SPOCK1: variants seen among roughly 807,000 people sequenced by gnomAD.
SPOCK1 encodes the protein testican-1.
SPOCK1 carries 23 observed loss-of-function variants against 55.3 expected under a neutral mutation model. The ratio of observed to expected loss-of-function variants is 0.42; its 90% CI spans 0.30 to 0.59. The LOEUF (loss-of-function observed/expected upper bound fraction) is 0.59. Ranked by LOEUF, SPOCK1 falls within the 20% of genes least tolerant of loss-of-function variation. The pLI is 0.22. For synonymous variants in SPOCK1, 226 were observed against 221.0 expected, an observed-to-expected ratio of 1.02 and a Z score of -0.20; for missense variants, 499 against 552.5, an observed-to-expected ratio of 0.90 and a Z score of 0.97.
At chr5:137,298,468 T>C (rs1281027053) in intron 2 of SPOCK1, among the ~76,000 whole-genome samples, 1 of 152,208 alleles carries the variant, frequency 6.6e-6, no homozygotes, top group Non-Finnish European at 1.5e-5. Context: ...AAGTACATTC[T>C]TCTTTTGGGT....
chr5:137,412,981 GA>G lies in SPOCK1; in HGVS notation c.186+85391del, dbSNP rs571656051. ...GCTGTCCCAAATCTAGTGTTAAGTG[GA>G]AAAAAAAAAAGGTACCTTTAAAAAC... is the stretch of plus-strand genomic sequence containing the variant. On this transcript the variant is annotated intron_variant, in intron 2 of 10. Transcript: ENST00000394945. 2.6e-3 allele frequency among the ~76,000 whole-genome samples: 370 copies of G among 142,384 alleles called. 2 individuals are homozygous for G. The highest frequency in any genetic ancestry group is 8.8e-3 in the East Asian group (43 of 4,890). 93.4% of individuals were successfully genotyped at this position (142,384 alleles called of 152,430 possible).
chr5:137,288,796 T>C (rs1222923436), intron 2 of SPOCK1, among the ~76,000 whole-genome samples: 1 of 152,264 alleles, frequency 6.6e-6, no homozygotes, highest in South Asian at 2.1e-4. Flanking sequence ...TCTGGAATGA[T>C]GTTTTAGTAA....
chr5:137,265,552 T>A (rs17724666), intron 3 of SPOCK1, among the ~76,000 whole-genome samples: 1 of 152,138 alleles, frequency 6.6e-6, no homozygotes, highest in South Asian at 2.1e-4. Context: ...GTTTTAAAAT[T>A]TTTGATCACT....
At chr5:137,150,058 A>T (rs896851824) in intron 3 of SPOCK1, among the ~76,000 whole-genome samples, 6 of 152,196 alleles carry the variant, frequency 3.9e-5, no homozygotes, top group African/African-American at 1.2e-4. Flanking sequence ...TGCTCCTAAA[A>T]TACAGAAAAT....
intron 2 of SPOCK1, among the ~76,000 whole-genome samples, chr5:137,315,177 T>G (rs1757856926): frequency 6.6e-6 from 1 of 152,186 alleles, no homozygotes; most frequent in African/African-American, 2.4e-5. Context: ...TAGCTAAAAA[T>G]CCATCTCCTT....
chr5:137,192,079 C>CAA (rs553142504), intron 3 of SPOCK1, among the ~76,000 whole-genome samples: 2 of 149,614 alleles, frequency 1.3e-5, no homozygotes, highest in African/African-American at 4.9e-5. Flanking sequence ...TACTAAAATA[C>CAA]AAAAAAAAAT....
At position 136,978,159 on chromosome 5, in the gene SPOCK1, C is replaced by G. The variant is rs1030256458; in HGVS notation, c.*495G>C. 2 of 381,948 alleles carry G rather than the reference C, an allele frequency of 5.2e-6. No homozygotes were observed. Among genetic ancestry groups the G allele is most frequent in the Non-Finnish European group, 9.3e-6 (2 of 216,034 alleles). 23.7% of individuals were successfully genotyped at this position (381,948 alleles called of 1,614,324 possible). The stretch of plus-strand genomic sequence containing the variant: ...TTTTAATAATAATCACCGGCAGTAA[C>G]GGGGGCAGGGGGAAAAAGTACAGTG... On this transcript the variant is annotated 3_prime_UTR_variant, in exon 11 of 11. Transcript: ENST00000394945.
At chr5:137,178,210 T>C (rs1754893987) in intron 3 of SPOCK1, among the ~76,000 whole-genome samples, 1 of 152,200 alleles carries the variant, frequency 6.6e-6, no homozygotes, top group South Asian at 2.1e-4. Flanking sequence ...TTATTTCACA[T>C]TGATTCTCCT....
intron 3 of SPOCK1, among the ~76,000 whole-genome samples, chr5:137,199,317 C>A (rs1477836813): frequency 1.3e-5 from 2 of 152,188 alleles, no homozygotes; most frequent in East Asian, 3.9e-4. Context: ...ACCACTCAGG[C>A]CAGCAATGAC....
intron 3 of SPOCK1, among the ~76,000 whole-genome samples, chr5:137,196,170 T>C (rs933187007): frequency 2.0e-5 from 3 of 152,148 alleles, no homozygotes; most frequent in Non-Finnish European, 2.9e-5. Context: ...TGAGTCCATC[T>C]ACGTGCCACC....
Position 136,990,915 on chromosome 5 carries a change from G to A in SPOCK1, c.706+1569C>T, listed in dbSNP as rs1750937508. ...TGGTTGCCTGTCATGCAGGAGAAAG[G>A]AGAGCAGCCCTTCTAGTTGGCCCCA... is the stretch of plus-strand genomic sequence containing the variant. On this transcript the variant is annotated intron_variant, in intron 7 of 10. Transcript: ENST00000394945. 2.0e-5 allele frequency among the ~76,000 whole-genome samples: 3 copies of A among 152,068 alleles called. No individual in the cohort carries two copies. In the South Asian group the frequency reaches 6.2e-4, roughly 32 times the overall value.
chr5:137,257,902 C>T (rs779129356), intron 3 of SPOCK1, among the ~76,000 whole-genome samples: 1 of 152,160 alleles, frequency 6.6e-6, no homozygotes, highest in African/African-American at 2.4e-5. Flanking sequence ...AGACCACAAG[C>T]CCCCTGAGGA....
intron 3 of SPOCK1, among the ~76,000 whole-genome samples, chr5:137,236,144 T>C (rs796728999): frequency 3.9e-5 from 6 of 152,376 alleles, no homozygotes; most frequent in African/African-American, 1.4e-4. Context: ...TCTGCCCAAA[T>C]GGCCCTGAGC....
chr5:137,367,713 G>A (rs2127169200), intron 2 of SPOCK1, among the ~76,000 whole-genome samples: 1 of 152,284 alleles, frequency 6.6e-6, no homozygotes, highest in African/African-American at 2.4e-5. Context: ...AGCAGCTCAG[G>A]CTAAACAGTT....
intron 3 of SPOCK1, among the ~76,000 whole-genome samples, chr5:137,221,734 T>C (rs560173911): frequency 6.6e-6 from 1 of 152,366 alleles, no homozygotes; most frequent in Admixed American, 6.5e-5. Flanking sequence ...TTATTTTTCT[T>C]TAATTGTTAA....
At chr5:137,468,537 C>A (rs535984164) in intron 2 of SPOCK1, among the ~76,000 whole-genome samples, 8 of 152,316 alleles carry the variant, frequency 5.3e-5, no homozygotes, top group Admixed American at 2.0e-4. Context: ...GGCTAATATA[C>A]TTATGACAAA....
At chr5:137,279,536 C>T (rs957020993) in intron 2 of SPOCK1, among the ~76,000 whole-genome samples, 2 of 152,178 alleles carry the variant, frequency 1.3e-5, no homozygotes, top group Admixed American at 6.5e-5. Context: ...GTCTTTGCCG[C>T]AGCAGCTTTA....
rs33927619 is a variant in SPOCK1 at position 137,425,963 on chromosome 5, G to GA, written c.186+72409dup. Among the ~76,000 whole-genome samples the GA allele has an allele frequency of 6.9e-3, 754 of 108,892 alleles. 5 individuals carry two copies. The highest frequency in any genetic ancestry group is 0.033 in the South Asian group (104 of 3,156). The allele number at this position is 108,892 out of a possible 152,430, so 71.4% of individuals were successfully genotyped here. A position where few individuals can be genotyped will look rare whatever the true frequency, so the allele number is the denominator to read the frequency against. ...TCTATATTGTTAAGGGTACATTACAGAAAAAAAAAAAAAAAAAAAAGGTTG... is the reference window on the plus strand; with the variant it reads ...TCTATATTGTTAAGGGTACATTACAGAAAAAAAAAAAAAAAAAAAAAGGTTG... On this transcript the variant is annotated intron_variant, in intron 2 of 10. Transcript: ENST00000394945.
chr5:137,131,841 G>A (rs1248611903), intron 4 of SPOCK1, among the ~76,000 whole-genome samples: 2 of 144,876 alleles, frequency 1.4e-5, no homozygotes, highest in Non-Finnish European at 1.5e-5. Flanking sequence ...GTGTAGGGGC[G>A]GGCGCCTGTA....
Sources: allele counts gnomAD v4.1 joint callset (sites outside exome capture counted in the v4.1 genomes callset), GRCh38; gene constraint gnomAD v4.1.1; transcripts MANE v1.5; gene names NCBI Gene and HGNC (gene_info 2026-07-23, HGNC 2026-07-21).